Variants in ST6GALNAC3 observed in about 807,000 individuals in gnomAD.
The protein encoded by ST6GALNAC3 is alpha-N-acetylgalactosaminide alpha-2,6-sialyltransferase 3.
In ST6GALNAC3, 25 loss-of-function variants were observed where a neutral mutation model predicts 32.7. The observed-to-expected ratio is 0.76, with a 90% CI of 0.56 to 1.07. The LOEUF (loss-of-function observed/expected upper bound fraction) is 1.07, where lower values mean the gene tolerates loss of function less well. Ranked by LOEUF, ST6GALNAC3 falls within the 50% of genes least tolerant of loss-of-function variation. The pLI is 0.00. For synonymous variants in ST6GALNAC3, 129 were observed against 133.1 expected (o/e 0.97, Z 0.21); for missense variants, 355 against 382.4 (o/e 0.93, Z 0.60).
intron 1 of ST6GALNAC3, among the ~76,000 whole-genome samples, chr1:76,257,718 C>T (rs564173491): frequency 2.1e-4 from 32 of 152,042 alleles, no homozygotes; most frequent in Non-Finnish European, 4.4e-4. Flanking sequence ...AATGAAAGCC[C>T]GTAGCTTCTA....
At chr1:76,348,663 G>A (rs1021921887) in intron 2 of ST6GALNAC3, among the ~76,000 whole-genome samples, 8 of 152,174 alleles carry the variant, frequency 5.3e-5, no homozygotes, top group East Asian at 1.9e-4. Flanking sequence ...GATCATATAT[G>A]TAGGGAAGGG....
chr1:76,296,811 C>T (rs1485480010), intron 1 of ST6GALNAC3, among the ~76,000 whole-genome samples: 1 of 151,936 alleles, frequency 6.6e-6, no homozygotes, highest in African/African-American at 2.4e-5. Flanking sequence ...AGTTTTTCCC[C>T]TTTATACTTT....
chr1:76,544,429 T>C (rs531871019), intron 3 of ST6GALNAC3, among the ~76,000 whole-genome samples: 2 of 152,276 alleles, frequency 1.3e-5, no homozygotes, highest in African/African-American at 4.8e-5. Flanking sequence ...GGCCTAGATA[T>C]GACCTGTGTG....
At chr1:76,111,980 G>A (rs1162775388) in intron 1 of ST6GALNAC3, among the ~76,000 whole-genome samples, 2 of 152,060 alleles carry the variant, frequency 1.3e-5, no homozygotes, top group Admixed American at 6.5e-5. Flanking sequence ...GGTGGTGGCC[G>A]GGCAGAGGGG....
At chr1:76,329,484 A>T (rs1284345366) in intron 2 of ST6GALNAC3, among the ~76,000 whole-genome samples, 1 of 152,134 alleles carries the variant, frequency 6.6e-6, no homozygotes, top group Non-Finnish European at 1.5e-5. Context: ...TATATTGGCC[A>T]TTCAATGTCT....
chr1:76,385,762 C>A (rs1448247617), intron 2 of ST6GALNAC3, among the ~76,000 whole-genome samples: 1 of 152,072 alleles, frequency 6.6e-6, no homozygotes, highest in Non-Finnish European at 1.5e-5. Context: ...ACTCTGTTTT[C>A]TCTCTGTGGG....
At chr1:76,239,657 G>T (rs899645290) in intron 1 of ST6GALNAC3, among the ~76,000 whole-genome samples, 18 of 152,148 alleles carry the variant, frequency 1.2e-4, no homozygotes, top group Admixed American at 9.8e-4. Flanking sequence ...AGCCATTCAC[G>T]AGAGATCTTC....
At chr1:76,570,059 C>T (rs918166146) in intron 3 of ST6GALNAC3, among the ~76,000 whole-genome samples, 5 of 151,938 alleles carry the variant, frequency 3.3e-5, no homozygotes, top group African/African-American at 4.8e-5. Context: ...AATGAAGCAG[C>T]GAAGCTAAAG....
intron 1 of ST6GALNAC3, chr1:76,309,950 A>C (rs778718374): frequency 2.1e-6 from 1 of 487,632 alleles, no homozygotes; most frequent in Non-Finnish European, 4.1e-6. Context: ...TTCTCTCAAA[A>C]TGGTTGACTT....
intron 1 of ST6GALNAC3, among the ~76,000 whole-genome samples, chr1:76,221,402 T>A (rs950478984): frequency 6.6e-6 from 1 of 152,152 alleles, no homozygotes; most frequent in Non-Finnish European, 1.5e-5. Context: ...ATAATGAAGC[T>A]GTCGTATTCT....
chr1:76,527,439 G>A (rs1278436124), intron 3 of ST6GALNAC3, among the ~76,000 whole-genome samples: 3 of 152,028 alleles, frequency 2.0e-5, no homozygotes, highest in Non-Finnish European at 4.4e-5. Flanking sequence ...CATGAAATAA[G>A]TGTTCATTCT....
At chr1:76,343,024 G>T (rs550453264) in intron 2 of ST6GALNAC3, among the ~76,000 whole-genome samples, 1 of 152,026 alleles carries the variant, frequency 6.6e-6, no homozygotes, top group Non-Finnish European at 1.5e-5. Context: ...TTTGTAGGTC[G>T]TCTGTTTACT....
intron 2 of ST6GALNAC3, among the ~76,000 whole-genome samples, chr1:76,322,061 C>G (rs1031751569): frequency 1.3e-5 from 2 of 152,142 alleles, no homozygotes; most frequent in African/African-American, 4.8e-5. Flanking sequence ...CATTTGCCAA[C>G]TATCTTGTTA....
At chr1:76,507,187 A>G (rs886678734) in intron 3 of ST6GALNAC3, among the ~76,000 whole-genome samples, 1 of 152,174 alleles carries the variant, frequency 6.6e-6, no homozygotes, top group African/African-American at 2.4e-5. Context: ...ATGGTCAAGT[A>G]ACCAGTGACA....
chr1:76,425,623 T>C (rs1476823682), intron 3 of ST6GALNAC3, among the ~76,000 whole-genome samples: 1 of 152,010 alleles, frequency 6.6e-6, no homozygotes, highest in African/African-American at 2.4e-5. Flanking sequence ...GTTCTTTGCA[T>C]CTGGTCTCAC....
chr1:76,232,972 T>C (rs1656454320), intron 1 of ST6GALNAC3, among the ~76,000 whole-genome samples: 1 of 152,190 alleles, frequency 6.6e-6, no homozygotes, highest in Non-Finnish European at 1.5e-5. Flanking sequence ...GACACTGTAC[T>C]TAACCTCATC....
intron 2 of ST6GALNAC3, among the ~76,000 whole-genome samples, chr1:76,405,336 T>A (rs1653746454): frequency 6.6e-6 from 1 of 152,142 alleles, no homozygotes; most frequent in African/African-American, 2.4e-5. Flanking sequence ...ATTTCACAAA[T>A]TTTAATTATT....
chr1:76,236,190 C>T lies in ST6GALNAC3; in HGVS notation c.19-77615C>T, dbSNP rs571324641. Among the ~76,000 whole-genome samples the T allele has an allele frequency of 4.7e-4, 71 of 152,180 alleles. 1 individual carries two copies. Among genetic ancestry groups the T allele is most frequent in the African/African-American group, 1.5e-3 (62 of 41,516 alleles). On this transcript the variant is annotated intron_variant, in intron 1 of 4. Transcript: ENST00000328299. ...CCCGAACCCCTGACCTCAGGTGATCCGCCCGCCTCGGCCTCCCAAAGTGCT... is the reference window on the plus strand; with the variant it reads ...CCCGAACCCCTGACCTCAGGTGATCTGCCCGCCTCGGCCTCCCAAAGTGCT...
intron 3 of ST6GALNAC3, among the ~76,000 whole-genome samples, chr1:76,582,860 C>G (rs1646910742): frequency 6.6e-6 from 1 of 152,096 alleles, no homozygotes; most frequent in Non-Finnish European, 1.5e-5. Context: ...TCCTATTTCT[C>G]TCATCATGTG....
Sources: allele counts gnomAD v4.1 joint callset (sites outside exome capture counted in the v4.1 genomes callset), GRCh38; gene constraint gnomAD v4.1.1; transcripts MANE v1.5; gene names NCBI Gene and HGNC (gene_info 2026-07-23, HGNC 2026-07-21).